The following NEK10 variants were observed in gnomAD, a reference collection of about 807,000 sequenced individuals.
NEK10 encodes serine/threonine-protein kinase Nek10.
In NEK10, 122 loss-of-function variants were observed where a neutral mutation model predicts 159.8. The ratio of observed to expected loss-of-function variants is 0.76; its 90% CI spans 0.66 to 0.89. The LOEUF is 0.89. Ranked by LOEUF, NEK10 falls within the 40% of genes least tolerant of loss-of-function variation. The pLI is 0.00. For synonymous variants in NEK10, 466 were observed against 457.1 expected, an observed-to-expected ratio of 1.02 and a Z score of -0.25; for missense variants, 1,342 against 1,323.1, an observed-to-expected ratio of 1.01 and a Z score of -0.22.
chr3:27,360,588 CA>C (rs2048616963), intron 1 of NEK10, among the ~76,000 whole-genome samples: 1 of 152,238 alleles, frequency 6.6e-6, no homozygotes, highest in African/African-American at 2.4e-5. Context: ...AACTCTAAGG[CA>C]GATGGGAAAA....
At chr3:27,186,533 G>C (rs1948637452) in intron 26 of NEK10, among the ~76,000 whole-genome samples, 2 of 152,174 alleles carry the variant, frequency 1.3e-5, no homozygotes, top group African/African-American at 2.4e-5. Flanking sequence ...CTTGGGATTA[G>C]AGTTGGGCTG....
intron 22 of NEK10, among the ~76,000 whole-genome samples, chr3:27,256,909 TC>T: frequency 7.1e-6 from 1 of 140,824 alleles, no homozygotes; most frequent in South Asian, 2.3e-4. Context: ...CTCTTTTTTC[TC>T]TCTTTTTTTT....
chr3:27,310,901 C>G, intron 9 of NEK10, 48 bp downstream of exon 9: 1 of 1,167,934 alleles, frequency 8.6e-7, no homozygotes, highest in Non-Finnish European at 1.3e-6. Flanking sequence ...CTAATGTGAA[C>G]TATTGCCATA....
chr3:27,117,562 G>T (rs766528902), intron 33 of NEK10, among the ~76,000 whole-genome samples: 6 of 152,026 alleles, frequency 3.9e-5, no homozygotes, highest in Non-Finnish European at 7.4e-5. Context: ...TTTGATTTGC[G>T]TTTCTCTAAT....
intron 22 of NEK10, among the ~76,000 whole-genome samples, chr3:27,279,489 C>T (rs183361716): frequency 6.6e-6 from 1 of 152,262 alleles, no homozygotes; most frequent in Non-Finnish European, 1.5e-5. Flanking sequence ...TAAATTAATG[C>T]TGCAGGGTTT....
At chr3:27,332,807 C>T (rs73149730) in intron 5 of NEK10, among the ~76,000 whole-genome samples, 3,002 of 152,232 alleles carry the variant, frequency 0.02, 99 homozygotes, top group African/African-American at 0.069. Context: ...TGGATACCAA[C>T]GCCCTTTGTA....
chr3:27,200,733 T>G (rs990749962), intron 25 of NEK10, among the ~76,000 whole-genome samples: 5 of 152,138 alleles, frequency 3.3e-5, no homozygotes, highest in African/African-American at 4.8e-5. Context: ...GCAAGGAGGT[T>G]AGAGAGTACT....
Position 27,352,813 on chromosome 3 carries a change from T to C in NEK10, c.70A>G (p.Arg24Gly). The change falls in exon 2 of 36, where the codon AGG becomes GGG. Residue 24 changes from arginine (R) to glycine (G), a missense_variant and splice_region_variant. By Grantham distance (125) the Arg-to-Gly change is moderately radical (BLOSUM62 -2). Transcript: ENST00000691995. ...AGCAAACACTCAGTAGGGAGTTACC[T>C]GATGGTGATTTCTTGCTGTTTATCA... ...STDKQQEITI[R>G]DYSDLKRLRC... is the part of the protein sequence containing the mutation. 1 of 1,600,912 alleles carries C rather than the reference T, an allele frequency of 6.2e-7. No homozygotes were observed. Among genetic ancestry groups the C allele is most frequent in the Non-Finnish European group, 8.6e-7 (1 of 1,168,264 alleles).
At chr3:27,267,581 T>C (rs945639862) in intron 22 of NEK10, among the ~76,000 whole-genome samples, 1 of 152,212 alleles carries the variant, frequency 6.6e-6, no homozygotes, top group Admixed American at 6.5e-5. Context: ...ATGTTACTAT[T>C]GTCATTGTTT....
intron 32 of NEK10, among the ~76,000 whole-genome samples, chr3:27,128,635 A>T (rs538831998): frequency 6.7e-6 from 1 of 149,302 alleles, no homozygotes; most frequent in South Asian, 2.1e-4. Flanking sequence ...CCAATGAGGG[A>T]TTTTTTTTTT....
intron 26 of NEK10, among the ~76,000 whole-genome samples, chr3:27,186,375 A>T (rs970812458): frequency 6.6e-6 from 1 of 152,240 alleles, no homozygotes; most frequent in African/African-American, 2.4e-5. Context: ...GATATAATAG[A>T]TGCAAGGGTA....
At chr3:27,200,761 T>G (rs749925665) in intron 25 of NEK10, among the ~76,000 whole-genome samples, 6 of 152,092 alleles carry the variant, frequency 3.9e-5, no homozygotes, top group Middle Eastern at 3.2e-3. Context: ...AGTGGGGCCA[T>G]CAGGGTGGGG....
In NEK10 at chr3:27,323,886, CA is replaced by C. The variant is rs377218276; in HGVS notation, c.363-1626del. Among the ~76,000 whole-genome samples, 606 of 152,326 alleles carry C rather than the reference CA, an allele frequency of 4.0e-3. 3 individuals carry two copies. The highest frequency in any genetic ancestry group is 0.014 in the Middle Eastern group (4 of 294). On this transcript the variant is annotated intron_variant, in intron 5 of 35. Transcript: ENST00000691995. The stretch of plus-strand genomic sequence containing the variant: ...CACTAATCAAATTCAGAGGTGGTCA[CA>C]AGGCCTTGCACCCAGCAGCTAGCAG...
At chr3:27,284,219 C>A (rs756475982) in intron 22 of NEK10, among the ~76,000 whole-genome samples, 1 of 152,066 alleles carries the variant, frequency 6.6e-6, no homozygotes, top group Non-Finnish European at 1.5e-5. Flanking sequence ...AACCCTGTCT[C>A]TACTAAAAAT....
rs1379484930 is a variant in NEK10 at position 27,138,692 on chromosome 3, GGGAACTGGTTTGACTGTGCCCTT to G, written c.2970+2767_2970+2789del. ...AGAAGAGCCCATACAGATAGGATTT[GGGAACTGGTTTGACTGTGCCCTT>G]GGAACTGAGCCCAGTGCTGAGTTTT... is the stretch of plus-strand genomic sequence containing the variant. On this transcript the variant is annotated intron_variant, in intron 31 of 35. Coordinates refer to ENST00000691995, the MANE Select transcript of NEK10 (RefSeq NM_001394966.1). Among the ~76,000 whole-genome samples the G allele has an allele frequency of 3.3e-5, 5 of 152,226 alleles. No homozygotes were observed. In the East Asian group the frequency reaches 5.8e-4, roughly 18 times the overall value.
intron 11 of NEK10, among the ~76,000 whole-genome samples, chr3:27,306,595 T>C (rs1438837135): frequency 6.6e-6 from 1 of 152,188 alleles, no homozygotes; most frequent in East Asian, 1.9e-4. Flanking sequence ...AATGTTCCCA[T>C]GAGTCCCCAT....
At chr3:27,351,671 T>C (rs1217823906) in intron 3 of NEK10, among the ~76,000 whole-genome samples, 1 of 152,080 alleles carries the variant, frequency 6.6e-6, no homozygotes, top group Non-Finnish European at 1.5e-5. Flanking sequence ...TAACAAAAAC[T>C]GTCAGGGCTG....
At chr3:27,186,344 G>A (rs1315752017) in intron 26 of NEK10, among the ~76,000 whole-genome samples, 2 of 152,206 alleles carry the variant, frequency 1.3e-5, no homozygotes, top group Non-Finnish European at 2.9e-5. Flanking sequence ...CAGGGGAAAA[G>A]AATACCTGGA....
intron 3 of NEK10, among the ~76,000 whole-genome samples, chr3:27,348,785 C>G (rs766896157): frequency 6.6e-6 from 1 of 152,148 alleles, no homozygotes; most frequent in Non-Finnish European, 1.5e-5. Context: ...TTTGGCCACC[C>G]TGAGGGCAGC....
Sources: allele counts gnomAD v4.1 joint callset (sites outside exome capture counted in the v4.1 genomes callset), GRCh38; gene constraint gnomAD v4.1.1; transcripts MANE v1.5; gene names NCBI Gene and HGNC (gene_info 2026-07-23, HGNC 2026-07-21).